The following POU3F3 variants were observed in gnomAD, a reference collection of about 807,000 sequenced individuals.
POU3F3 encodes POU class 3 homeobox 3.
POU3F3 carries 1 observed loss-of-function variant against 8.6 expected under a neutral mutation model. The observed-to-expected ratio is 0.12, with a 90% CI of 0.04 to 0.55. POU3F3 has a LOEUF of 0.55. POU3F3 is among the 20% of genes least tolerant of loss of function. The pLI, the probability that POU3F3 is intolerant of heterozygous loss-of-function variation, is 0.91. For missense variants in POU3F3, 577 were observed against 690.7 expected (o/e 0.84, Z 1.84); for synonymous variants, 418 against 327.4 (o/e 1.28, Z -2.99).
the POU3F3 span, among the ~76,000 whole-genome samples, chr2:104,901,662 G>A: frequency 2.0e-5 from 3 of 152,208 alleles, no homozygotes; most frequent in African/African-American, 4.8e-5. Context: ...TCCAGTCCCC[G>A]AGCAGTTTGG....
At chr2:104,883,062 C>G in the POU3F3 span, among the ~76,000 whole-genome samples, 4 of 152,228 alleles carry the variant, frequency 2.6e-5, no homozygotes, top group African/African-American at 9.6e-5. Flanking sequence ...GCAAGGCAAA[C>G]TCACCTGGCA....
the POU3F3 span, chr2:104,867,913 G>A: frequency 1.4e-5 from 3 of 214,072 alleles, no homozygotes; most frequent in Non-Finnish European, 2.9e-5. This position sits in a 1 kb window ranked among gnomAD's most constrained non-coding sequence, Gnocchi z 5.0. Context: ...CTCCGCCCCC[G>A]CTGAGGTCCC....
the POU3F3 span, among the ~76,000 whole-genome samples, chr2:104,903,764 T>C: frequency 6.6e-6 from 1 of 152,206 alleles, no homozygotes; most frequent in East Asian, 1.9e-4. Context: ...ACCTTTCTGT[T>C]AGAAAAATGT....
the POU3F3 span, among the ~76,000 whole-genome samples, chr2:104,910,025 C>A: frequency 1.3e-5 from 2 of 152,152 alleles, no homozygotes; most frequent in Non-Finnish European, 2.9e-5. Flanking sequence ...TCCAACCAAG[C>A]ACTTGACTGA....
chr2:104,909,946 G>A, the POU3F3 span, among the ~76,000 whole-genome samples: 5 of 151,892 alleles, frequency 3.3e-5, no homozygotes, highest in East Asian at 7.7e-4. Context: ...GAAAAATGTG[G>A]GCCCAACTCA....
the POU3F3 span, among the ~76,000 whole-genome samples, chr2:104,911,534 A>G: frequency 6.6e-6 from 1 of 152,140 alleles, no homozygotes; most frequent in East Asian, 1.9e-4. Flanking sequence ...GTGGAACATA[A>G]GAGAAGTGTG....
chr2:104,898,087 G>C, the POU3F3 span, among the ~76,000 whole-genome samples: 133 of 152,316 alleles, frequency 8.7e-4, 1 homozygote, highest in Admixed American at 1.4e-3. Flanking sequence ...TAGTCACAAG[G>C]GTGGAGCCCT....
the POU3F3 span, among the ~76,000 whole-genome samples, chr2:104,924,384 A>T: frequency 2.0e-5 from 3 of 152,226 alleles, no homozygotes; most frequent in South Asian, 2.1e-4. Context: ...TGCAGAATCG[A>T]TGGGGAGGGG....
the POU3F3 span, among the ~76,000 whole-genome samples, chr2:104,918,559 C>CA: frequency 6.6e-6 from 1 of 152,154 alleles, no homozygotes; most frequent in East Asian, 1.9e-4. Context: ...GGGAGAACAT[C>CA]ATGTGAACAA....
chr2:104,855,420 CGCG>C lies in POU3F3; in HGVS notation c.-67_-65del, dbSNP rs1184145745. ...GGGGGAGGAGGCGGGAGGCGGGGGG[CGCG>C]GCGGCGGCGGCGGCGGCGGCGGCCG... On this transcript the variant is annotated 5_prime_UTR_variant, in exon 1 of 1. Coordinates refer to ENST00000361360, the MANE Select transcript of POU3F3 (RefSeq NM_006236.3). 0.014 allele frequency: 6,742 copies of C among 485,324 alleles called. 2 individuals are homozygous for C. The highest frequency in any genetic ancestry group is 0.018 in the Middle Eastern group (17 of 952). 30.1% of individuals were successfully genotyped at this position (485,324 alleles called of 1,614,324 possible).
At chr2:104,882,553 A>G in the POU3F3 span, among the ~76,000 whole-genome samples, 1 of 152,036 alleles carries the variant, frequency 6.6e-6, no homozygotes, top group Admixed American at 6.6e-5. Context: ...CACCCTGCAT[A>G]TTTTTAACTG....
chr2:104,893,864 C>G, the POU3F3 span, among the ~76,000 whole-genome samples: 1 of 113,004 alleles, frequency 8.8e-6, no homozygotes, highest in East Asian at 2.5e-4. Context: ...GCCTGGGCAA[C>G]AAGAGCAAAA....
chr2:104,910,456 G>A, the POU3F3 span, among the ~76,000 whole-genome samples: 1 of 151,918 alleles, frequency 6.6e-6, no homozygotes, highest in Non-Finnish European at 1.5e-5. Flanking sequence ...TTATTCCACC[G>A]ACAGCCATGC....
At chr2:104,898,816 G>A in the POU3F3 span, among the ~76,000 whole-genome samples, 37 of 152,242 alleles carry the variant, frequency 2.4e-4, no homozygotes, top group Non-Finnish European at 4.9e-4. Flanking sequence ...CATTTTGAAG[G>A]CTGTTACCCA....
At chr2:104,904,268 C>A in the POU3F3 span, among the ~76,000 whole-genome samples, 1 of 152,222 alleles carries the variant, frequency 6.6e-6, no homozygotes, top group Admixed American at 6.5e-5. Context: ...GAGAGTGAAC[C>A]ATTAAAACCC....
the POU3F3 span, among the ~76,000 whole-genome samples, chr2:104,901,661 C>T: frequency 6.6e-5 from 10 of 152,190 alleles, no homozygotes; most frequent in East Asian, 1.9e-4. Context: ...CTCCAGTCCC[C>T]GAGCAGTTTG....
chr2:104,856,098 AGCCGCCGCCGCC>A lies in POU3F3; in HGVS notation c.600_611del (p.Ala201_Ala204del), dbSNP rs771609174. On this transcript the variant is annotated inframe_deletion, in exon 1 of 1. Coordinates refer to ENST00000361360, the MANE Select transcript of POU3F3 (RefSeq NM_006236.3). ...GGGCGGCCGCCGCTGCCGCAGCCGC[AGCCGCCGCCGCC>A]GCCGCCGCCGCGCACCTCCCGTCCA... The A allele has an allele frequency of 7.7e-6, 8 of 1,041,450 alleles. No individual in the cohort carries two copies. Among genetic ancestry groups the A allele is most frequent in the South Asian group, 8.8e-5 (2 of 22,622 alleles). 64.5% of individuals were successfully genotyped at this position (1,041,450 alleles called of 1,614,324 possible).
chr2:104,888,095 A>G, the POU3F3 span, among the ~76,000 whole-genome samples: 3 of 152,364 alleles, frequency 2.0e-5, no homozygotes, highest in African/African-American at 7.2e-5. Context: ...CATTTCAGAT[A>G]TAATGCGCCT....
the POU3F3 span, among the ~76,000 whole-genome samples, chr2:104,880,179 C>T: frequency 6.6e-6 from 1 of 152,072 alleles, no homozygotes; most frequent in African/African-American, 2.4e-5. Flanking sequence ...TCATCCTCTC[C>T]CCACCCGCCT....
Sources: allele counts gnomAD v4.1 joint callset (sites outside exome capture counted in the v4.1 genomes callset), GRCh38; gene constraint gnomAD v4.1.1; non-coding constraint Gnocchi (gnomAD v3.1); transcripts MANE v1.5; gene names NCBI Gene and HGNC (gene_info 2026-07-23, HGNC 2026-07-21).